The following CSMD1 variants were observed in gnomAD, a reference collection of about 807,000 sequenced individuals.
The protein encoded by CSMD1 is CUB and Sushi multiple domains 1.
Under a neutral mutation model 417.5 loss-of-function variants are expected in CSMD1, and 213 were observed. The observed-to-expected ratio is 0.51, with a 90% CI of 0.46 to 0.57. The LOEUF is 0.57. Among genes scored for constraint, CSMD1 ranks in the 20% least tolerant of loss-of-function variants. The probability of loss-of-function intolerance (pLI) is 0.00; values close to 1 mark genes in which losing one functional copy is unlikely to be tolerated. For synonymous variants in CSMD1, 2,862 were observed against 1,736.8 expected, an observed-to-expected ratio of 1.65 and a Z score of -16.11; for missense variants, 6,923 against 4,529.7, an observed-to-expected ratio of 1.53 and a Z score of -15.17.
chr8:3,704,308 A>G (rs2129038190), intron 7 of CSMD1, among the ~76,000 whole-genome samples: 1 of 152,208 alleles, frequency 6.6e-6, no homozygotes, highest in East Asian at 1.9e-4. Flanking sequence ...TCTTTGCGTG[A>G]TTAGCGAGCT....
intron 8 of CSMD1, among the ~76,000 whole-genome samples, chr8:3,592,658 ACGTGTGTGTGCACATC>A (rs1800902169): frequency 6.7e-6 from 1 of 149,538 alleles, no homozygotes; most frequent in African/African-American, 2.5e-5. Context: ...GTGTGTGTTT[ACGTGTGTGTGCACATC>A]CGTGTGTGTG....
At position 3,396,348 on chromosome 8, in the gene CSMD1, C is replaced by A. The variant is rs376085929; in HGVS notation, c.2439G>T (p.Glu813Asp). 1.2e-6 allele frequency: 2 copies of A among 1,602,950 alleles called. No homozygotes were observed. The highest frequency in any genetic ancestry group is 1.7e-6 in the Non-Finnish European group (2 of 1,174,718). ...FQTEVNYDTL[E>D]VRDGPASSSP... is the part of the protein sequence containing the mutation. ...ACGAACTGGCTGGCCCATCTCTGACCTCCAAGGTGTCATAATTGACCTCTG... is the reference window on the plus strand; with the variant it reads ...ACGAACTGGCTGGCCCATCTCTGACATCCAAGGTGTCATAATTGACCTCTG... Residue 813 changes from glutamate to aspartate, a missense_variant, in exon 17 of 70, where the codon GAG becomes GAT. By Grantham distance (45) the Glu-to-Asp change is conservative. Coordinates refer to ENST00000635120, the MANE Select transcript of CSMD1 (RefSeq NM_033225.6).
At chr8:3,487,433 C>T (rs554604412) in intron 11 of CSMD1, among the ~76,000 whole-genome samples, 4 of 152,204 alleles carry the variant, frequency 2.6e-5, no homozygotes, top group Non-Finnish European at 5.9e-5. Flanking sequence ...GTTCTCCTGA[C>T]CTCGTGATCT....
At chr8:4,505,144 C>T (rs1361847365) in intron 2 of CSMD1, among the ~76,000 whole-genome samples, 1 of 152,176 alleles carries the variant, frequency 6.6e-6, no homozygotes, top group Non-Finnish European at 1.5e-5. Flanking sequence ...AAAACCAAAC[C>T]CCACAATGAT....
intron 10 of CSMD1, among the ~76,000 whole-genome samples, chr8:3,556,415 T>TATATATATATACATATATACATACATA (rs1799148435): frequency 1.8e-5 from 1 of 57,102 alleles, no homozygotes; most frequent in African/African-American, 6.2e-5. Flanking sequence ...ATATATATAT[T>TATATATATATACATATATACATACATA]CACACACACA....
At chr8:3,722,913 T>TTA (rs1563311184) in intron 6 of CSMD1, among the ~76,000 whole-genome samples, 5 of 151,584 alleles carry the variant, frequency 3.3e-5, no homozygotes, top group Non-Finnish European at 7.4e-5. Context: ...TAGCAAACTA[T>TTA]TGTGTGTGTG....
At chr8:3,924,309 T>C (rs1425186298) in intron 5 of CSMD1, among the ~76,000 whole-genome samples, 1 of 152,210 alleles carries the variant, frequency 6.6e-6, no homozygotes, top group Admixed American at 6.6e-5. Context: ...ATATTCCTTC[T>C]TGTCTATGAC....
intron 1 of CSMD1, among the ~76,000 whole-genome samples, chr8:4,713,274 G>A (rs1563199104): frequency 2.0e-5 from 3 of 152,238 alleles, no homozygotes; most frequent in Non-Finnish European, 4.4e-5. Flanking sequence ...GCAGGAGAGT[G>A]TAGTTTAAGT....
chr8:3,049,627 A>G (rs1236755456), intron 50 of CSMD1, among the ~76,000 whole-genome samples: 2 of 152,032 alleles, frequency 1.3e-5, no homozygotes, highest in East Asian at 1.9e-4. Context: ...AAGGGCCACA[A>G]AAGTCACTTT....
intron 1 of CSMD1, among the ~76,000 whole-genome samples, chr8:4,868,098 C>G (rs777290659): frequency 4.6e-5 from 7 of 152,064 alleles, no homozygotes; most frequent in Non-Finnish European, 1.0e-4. Context: ...TTAAAACGAC[C>G]TCTCACCAAA....
rs946661324 is a variant in CSMD1, at chr8:4,851,377, C to G, written c.85+142955G>C. ...TCTTTCACTGGCTTTCATGATCCCA[C>G]CAATTCCTGCTTTTCCTTTTTTGTT... On this transcript the variant is annotated intron_variant, in intron 1 of 69. Coordinates refer to ENST00000635120, the MANE Select transcript of CSMD1 (RefSeq NM_033225.6). Among the ~76,000 whole-genome samples the G allele has an allele frequency of 2.6e-5, 4 of 152,076 alleles. No homozygotes were observed. The East Asian group carries it at 7.7e-4, about 29-fold the overall frequency.
intron 3 of CSMD1, among the ~76,000 whole-genome samples, chr8:4,390,890 T>C (rs1323948811): frequency 1.3e-5 from 2 of 152,156 alleles, no homozygotes; most frequent in Non-Finnish European, 2.9e-5. Context: ...ATGTTGTCCT[T>C]AGTCCCCCAA....
intron 3 of CSMD1, among the ~76,000 whole-genome samples, chr8:4,300,617 C>G (rs907179743): frequency 6.6e-6 from 1 of 152,066 alleles, no homozygotes; most frequent in African/African-American, 2.4e-5. Context: ...ATGTGCCATG[C>G]TGGTGTGCTG....
At chr8:3,729,348 C>G (rs947169033) in intron 6 of CSMD1, among the ~76,000 whole-genome samples, 2 of 152,180 alleles carry the variant, frequency 1.3e-5, no homozygotes, top group African/African-American at 4.8e-5. Context: ...CTTTGCCAGT[C>G]TAGCTCTGCC....
chr8:3,912,371 T>G (rs565688566), intron 5 of CSMD1, among the ~76,000 whole-genome samples: 18 of 152,284 alleles, frequency 1.2e-4, no homozygotes, highest in African/African-American at 3.9e-4. Context: ...TTTACTACAT[T>G]CAAGGCAATC....
chr8:3,770,343 A>G (rs1798501402), intron 5 of CSMD1, among the ~76,000 whole-genome samples: 1 of 152,158 alleles, frequency 6.6e-6, no homozygotes, highest in South Asian at 2.1e-4. Flanking sequence ...AGCCTGTCCT[A>G]TGTGGTGAAA....
chr8:3,294,613 C>G (rs185506454), intron 25 of CSMD1, among the ~76,000 whole-genome samples: 50 of 152,314 alleles, frequency 3.3e-4, no homozygotes, highest in Non-Finnish European at 3.5e-4. Context: ...GTAGGACCCT[C>G]TGAGTCATGC....
intron 1 of CSMD1, among the ~76,000 whole-genome samples, chr8:4,758,664 G>C (rs1428445888): frequency 1.3e-5 from 2 of 152,158 alleles, no homozygotes. Context: ...TACAATCATG[G>C]CAAAAGGAAT....
intron 1 of CSMD1, among the ~76,000 whole-genome samples, chr8:4,682,624 A>C (rs979567024): frequency 3.9e-5 from 6 of 152,064 alleles, no homozygotes; most frequent in Admixed American, 6.5e-5. Context: ...AGGCTTCTTA[A>C]AGGTATTTAT....
Sources: gnomAD v4.1 joint callset for allele counts (sites outside exome capture counted in the v4.1 genomes callset) on GRCh38, gnomAD v4.1.1 for gene constraint, MANE v1.5 for transcripts, NCBI Gene and HGNC (gene_info 2026-07-23, HGNC 2026-07-21) for gene names.